The following DYNC2H1 variants were observed in gnomAD, a reference collection of about 807,000 sequenced individuals.
The protein encoded by DYNC2H1 is dynein cytoplasmic 2 heavy chain 1.
In DYNC2H1, 410 loss-of-function variants were observed where a neutral mutation model predicts 570.0. That is an observed-to-expected ratio of 0.72 (90% CI 0.66 to 0.78). The LOEUF is 0.78. DYNC2H1 is among the 30% of genes least tolerant of loss of function. The pLI is 0.00. For synonymous variants in DYNC2H1, 1,688 were observed against 1,677.6 expected (o/e 1.01, Z -0.15); for missense variants, 4,865 against 5,046.4 (o/e 0.96, Z 1.09).
intron 12 of DYNC2H1, 71 bp downstream of exon 12, chr11:103,125,366 CTTTTTT>C (rs71465387): frequency 1.2e-4 from 66 of 553,052 alleles, no homozygotes; most frequent in South Asian, 1.3e-4. Flanking sequence ...ATGCTAAAGG[CTTTTTT>C]TTTTTTTTTT....
chr11:103,168,042 G>A (rs1294832040), intron 31 of DYNC2H1, among the ~76,000 whole-genome samples: 1 of 152,168 alleles, frequency 6.6e-6, no homozygotes, highest in African/African-American at 2.4e-5. Context: ...GATCTTCCCA[G>A]CATTTTATGG....
In DYNC2H1 at chr11:103,168,753, A is replaced by G; in HGVS notation, c.4763-2A>G. On this transcript the variant is annotated splice_acceptor_variant, in intron 31 of 88. Coordinates refer to ENST00000375735, the MANE Select transcript of DYNC2H1 (RefSeq NM_001377.3). LOFTEE classifies it high-confidence loss of function. ...ATTGTCAATATTTTTATTTCTGCCTAGAATCGGGCATCCTGGAGCTTAAAC... is the reference window on the plus strand; with the variant it reads ...ATTGTCAATATTTTTATTTCTGCCTGGAATCGGGCATCCTGGAGCTTAAAC... 1.2e-6 allele frequency: 2 copies of G among 1,611,826 alleles called. No homozygotes were observed. The highest frequency in any genetic ancestry group is 1.7e-6 in the Non-Finnish European group (2 of 1,179,116).
chr11:103,271,165 G>T (rs11225641), intron 70 of DYNC2H1, among the ~76,000 whole-genome samples: 1 of 152,056 alleles, frequency 6.6e-6, no homozygotes, highest in Admixed American at 6.6e-5. Flanking sequence ...TTTTTTCTGC[G>T]AAGATTAGTT....
rs368061315 is a variant in DYNC2H1, at chr11:103,128,987, A to T, written c.1935A>T (p.Ala645=). 6.2e-6 allele frequency: 10 copies of T among 1,603,772 alleles called. No individual in the cohort carries two copies. In the African/African-American group the frequency reaches 1.1e-4, roughly 17 times the overall value. The change falls in exon 13 of 89, where the codon GCA becomes GCT. Residue 645 remains alanine (A), a synonymous_variant. Coordinates refer to ENST00000375735, the MANE Select transcript of DYNC2H1 (RefSeq NM_001377.3). ...QRPMMLQSAL[A]FEQIIKNSKA... is the part of the protein sequence containing the mutation. ...CAATGATGTTACAATCTGCCTTAGC[A>T]TTTGAACAGATAATTAAGGTAAATG...
At chr11:103,134,265 A>G in intron 14 of DYNC2H1, 56 bp from the exon 15 acceptor site, 3 of 1,531,256 alleles carry the variant, frequency 2.0e-6, no homozygotes, top group South Asian at 1.1e-5. Flanking sequence ...TCTCCACTGA[A>G]AAGTTACTAT....
At chr11:103,413,854 A>G (rs1387289549) in intron 84 of DYNC2H1, among the ~76,000 whole-genome samples, 1 of 152,210 alleles carries the variant, frequency 6.6e-6, no homozygotes, top group Non-Finnish European at 1.5e-5. Context: ...CCCTAACTTA[A>G]TATCATCATC....
At chr11:103,266,133 GGT>G (rs1865495996) in intron 70 of DYNC2H1, among the ~76,000 whole-genome samples, 1 of 152,172 alleles carries the variant, frequency 6.6e-6, no homozygotes, top group Non-Finnish European at 1.5e-5. Flanking sequence ...TGCGATAGGT[GGT>G]GTTACCTAAG....
intron 79 of DYNC2H1, among the ~76,000 whole-genome samples, chr11:103,313,019 T>C (rs1867669732): frequency 6.6e-6 from 1 of 152,242 alleles, no homozygotes; most frequent in South Asian, 2.1e-4. Context: ...CTCTCACCTG[T>C]ACTACTTTCT....
chr11:103,352,326 A>G (rs982140236), intron 82 of DYNC2H1, among the ~76,000 whole-genome samples: 2 of 152,032 alleles, frequency 1.3e-5, no homozygotes, highest in Non-Finnish European at 2.9e-5. Flanking sequence ...AGTTTTACTC[A>G]ATTTTTAGCA....
intron 83 of DYNC2H1, among the ~76,000 whole-genome samples, chr11:103,377,600 A>G (rs1268701366): frequency 6.6e-6 from 1 of 152,204 alleles, no homozygotes; most frequent in Non-Finnish European, 1.5e-5. Flanking sequence ...TCTAAACTAA[A>G]AATGAAACTA....
At chr11:103,366,489 TA>T (rs1222020995) in intron 83 of DYNC2H1, among the ~76,000 whole-genome samples, 1 of 152,202 alleles carries the variant, frequency 6.6e-6, no homozygotes, top group East Asian at 1.9e-4. Context: ...AGTTTATCAT[TA>T]TTTTTTATAA....
intron 84 of DYNC2H1, chr11:103,405,409 A>G (rs1359582530): frequency 6.6e-6 from 1 of 152,040 alleles, no homozygotes; most frequent in African/African-American, 2.4e-5. Flanking sequence ...GAAGATGGTT[A>G]TACCTACAGA....
At chr11:103,164,690 A>G (rs554531596) in intron 30 of DYNC2H1, among the ~76,000 whole-genome samples, 5 of 152,314 alleles carry the variant, frequency 3.3e-5, no homozygotes, top group Admixed American at 3.3e-4. Flanking sequence ...TTATTTCATA[A>G]TGTTTGCAGA....
chr11:103,278,496 G>T (rs1865998029), intron 70 of DYNC2H1, among the ~76,000 whole-genome samples: 1 of 152,128 alleles, frequency 6.6e-6, no homozygotes, highest in Non-Finnish European at 1.5e-5. Flanking sequence ...TCTGGCTAAG[G>T]TCACCTGGCT....
At chr11:103,308,225 A>C (rs1867395850) in intron 78 of DYNC2H1, among the ~76,000 whole-genome samples, 1 of 152,154 alleles carries the variant, frequency 6.6e-6, no homozygotes, top group Admixed American at 6.5e-5. Context: ...TTACTTTCTA[A>C]GAGTTTGACT....
At chr11:103,330,680 C>T (rs1288456927) in intron 82 of DYNC2H1, among the ~76,000 whole-genome samples, 2 of 151,592 alleles carry the variant, frequency 1.3e-5, no homozygotes, top group Non-Finnish European at 2.9e-5. Context: ...TAAAATAGCA[C>T]TTAGTAAATA....
chr11:103,293,891 A>C (rs1866712822), intron 75 of DYNC2H1, among the ~76,000 whole-genome samples: 1 of 152,104 alleles, frequency 6.6e-6, no homozygotes, highest in South Asian at 2.1e-4. Context: ...AGCCTGGCCA[A>C]CATGGTGAAA....
intron 75 of DYNC2H1, among the ~76,000 whole-genome samples, chr11:103,296,189 G>A (rs761174977): frequency 2.6e-5 from 4 of 152,044 alleles, no homozygotes; most frequent in African/African-American, 9.7e-5. Context: ...AGATTTTTTG[G>A]TTTGTATGAA....
intron 12 of DYNC2H1, among the ~76,000 whole-genome samples, chr11:103,127,358 G>A (rs1002536285): frequency 1.3e-5 from 2 of 152,172 alleles, no homozygotes; most frequent in African/African-American, 4.8e-5. Flanking sequence ...GGAATAGGGT[G>A]TATAAAGCAG....
Sources: gnomAD v4.1 joint callset for allele counts (sites outside exome capture counted in the v4.1 genomes callset) on GRCh38, gnomAD v4.1.1 for gene constraint, MANE v1.5 for transcripts, NCBI Gene and HGNC (gene_info 2026-07-23, HGNC 2026-07-21) for gene names.